The following CFHR2 variants were observed in gnomAD, a reference collection of about 807,000 sequenced individuals.
The protein encoded by CFHR2 is complement factor H related 2.
In CFHR2, 22 loss-of-function variants were observed where a neutral mutation model predicts 21.7. The ratio of observed to expected loss-of-function variants is 1.01; its 90% CI spans 0.72 to 1.45. CFHR2 has a LOEUF of 1.45. Ranked by LOEUF, CFHR2 falls within the 40% of genes most tolerant of loss-of-function variation. CFHR2 has a pLI of 0.00. For synonymous variants in CFHR2, 98 were observed against 97.4 expected, an observed-to-expected ratio of 1.01 and a Z score of -0.04; for missense variants, 294 against 293.3, an observed-to-expected ratio of 1.00 and a Z score of -0.02.
At chr1:196,945,923 C>T (rs1424969037) in intron 1 of CFHR2, among the ~76,000 whole-genome samples, 5 of 151,298 alleles carry the variant, frequency 3.3e-5, no homozygotes, top group Non-Finnish European at 7.4e-5. Flanking sequence ...GTTTTATAGC[C>T]TACTAGGTAA....
At chr1:196,947,312 T>C (rs772645636) in intron 1 of CFHR2, among the ~76,000 whole-genome samples, 2 of 152,190 alleles carry the variant, frequency 1.3e-5, no homozygotes, top group Non-Finnish European at 2.9e-5. Context: ...GAATACTTGA[T>C]GAATGTCATA....
chr1:196,956,731 G>A (rs1186513589), intron 3 of CFHR2, among the ~76,000 whole-genome samples: 1 of 151,976 alleles, frequency 6.6e-6, no homozygotes, highest in South Asian at 2.1e-4. Flanking sequence ...TTCAACATCT[G>A]TGTCTTCTTA....
At chr1:196,946,050 G>T (rs1005411781) in intron 1 of CFHR2, among the ~76,000 whole-genome samples, 1 of 151,948 alleles carries the variant, frequency 6.6e-6, no homozygotes, top group Non-Finnish European at 1.5e-5. Flanking sequence ...TCTCAATATA[G>T]CAAAGTACAA....
At chr1:196,944,677 C>T (rs1338345334) in intron 1 of CFHR2, among the ~76,000 whole-genome samples, 1 of 151,866 alleles carries the variant, frequency 6.6e-6, no homozygotes, top group Non-Finnish European at 1.5e-5. Flanking sequence ...CTTGGAGTTT[C>T]GATCATTATG....
intron 3 of CFHR2, among the ~76,000 whole-genome samples, chr1:196,956,269 G>A (rs955821281): frequency 6.6e-6 from 1 of 152,148 alleles, no homozygotes; most frequent in Non-Finnish European, 1.5e-5. Flanking sequence ...TCAGTCTTCT[G>A]ATATCATTCC....
rs1466609427 is a variant in CFHR2 at position 196,950,972 on chromosome 1, A to T, written c.374A>T (p.Asn125Ile). 1 of 1,614,014 alleles carries T rather than the reference A, an allele frequency of 6.2e-7. No individual in the cohort carries two copies. The highest frequency in any genetic ancestry group is 1.3e-5 in the African/African-American group (1 of 74,924). ...GGATACAGACTTCAAAACAATGAGA[A>T]CAACATTTCATGTGTAGAACGGGGC... ...NTGYRLQNNE[N>I]NISCVERGWS... Residue 125 changes from asparagine (N) to isoleucine (I), a missense_variant, in exon 3 of 5, where the codon AAC becomes ATC. Transcript: ENST00000367415.
Position 196,950,961 on chromosome 1 carries a change from A to G in CFHR2, c.363A>G (p.Gln121=). The part of the protein sequence containing the change: ...QIICNTGYRL[Q]NNENNISCVE... ...TTTGCAACACAGGATACAGACTTCA[A>G]AACAATGAGAACAACATTTCATGTG... Residue 121 remains glutamine (Q), a synonymous_variant, in exon 3 of 5, where the codon CAA becomes CAG. Coordinates refer to ENST00000367415, the MANE Select transcript of CFHR2 (RefSeq NM_005666.4). The G allele has an allele frequency of 6.2e-7, 1 of 1,614,140 alleles. No individual in the cohort carries two copies. The highest frequency in any genetic ancestry group is 1.1e-5 in the South Asian group (1 of 91,084).
At chr1:196,946,687 A>G (rs1182359774) in intron 1 of CFHR2, among the ~76,000 whole-genome samples, 2 of 152,230 alleles carry the variant, frequency 1.3e-5, no homozygotes, top group East Asian at 3.8e-4. Flanking sequence ...CAGGGCAGTA[A>G]CAGGCATGGA....
At chr1:196,952,401 C>CAA (rs770184256) in intron 3 of CFHR2, among the ~76,000 whole-genome samples, 1 of 126,686 alleles carries the variant, frequency 7.9e-6, no homozygotes, top group African/African-American at 3.6e-5. Flanking sequence ...TTAATATTTG[C>CAA]AAAAAACAAA....
At chr1:196,958,812 T>A in intron 4 of CFHR2, 69 bp from the exon 5 acceptor site, 1 of 1,021,138 alleles carries the variant, frequency 9.8e-7, no homozygotes, top group Non-Finnish European at 1.5e-6. Flanking sequence ...AACATTCTAC[T>A]TGAAAACCTG....
intron 3 of CFHR2, among the ~76,000 whole-genome samples, chr1:196,955,979 A>G (rs909883668): frequency 6.6e-6 from 1 of 152,202 alleles, no homozygotes; most frequent in Admixed American, 6.5e-5. Flanking sequence ...CAGGAGAGAG[A>G]CAAGTGGATG....
In CFHR2 at chr1:196,958,083, T is replaced by C; in HGVS notation, c.613+10T>C. On this transcript the variant is annotated intron_variant, in intron 4 of 4. Transcript: ENST00000367415. The stretch of plus-strand genomic sequence containing the variant: ...CCACCAAAATGCTTAGGTAAGTACT[T>C]TAATATTCTCATGGATTCTGGAAAA... The C allele has an allele frequency of 1.2e-6, 2 of 1,611,388 alleles. No individual in the cohort carries two copies. Among genetic ancestry groups the C allele is most frequent in the Non-Finnish European group, 1.7e-6 (2 of 1,177,734 alleles).
At chr1:196,946,560 T>C (rs1410434911) in intron 1 of CFHR2, among the ~76,000 whole-genome samples, 1 of 152,192 alleles carries the variant, frequency 6.6e-6, no homozygotes, top group Non-Finnish European at 1.5e-5. Context: ...TTATTTACTT[T>C]TTAAACCTTT....
intron 3 of CFHR2, among the ~76,000 whole-genome samples, chr1:196,955,733 G>C (rs979020835): frequency 1.3e-5 from 2 of 152,040 alleles, no homozygotes; most frequent in Admixed American, 1.3e-4. Context: ...TGTAATCTCG[G>C]CTATTTGGGA....
At chr1:196,944,385 A>C (rs894197685) in intron 1 of CFHR2, among the ~76,000 whole-genome samples, 4 of 152,000 alleles carry the variant, frequency 2.6e-5, no homozygotes, top group African/African-American at 9.7e-5. Flanking sequence ...TTCCCATTTC[A>C]ATCGAATTAT....
chr1:196,956,486 C>T (rs981187573), intron 3 of CFHR2, among the ~76,000 whole-genome samples: 7 of 151,886 alleles, frequency 4.6e-5, no homozygotes, highest in Non-Finnish European at 1.5e-5. Context: ...TTCTGGATTG[C>T]CTCTCCTTAT....
intron 2 of CFHR2, 89 bp downstream of exon 2, chr1:196,949,738 A>G (rs1659656572): frequency 2.0e-6 from 3 of 1,523,672 alleles, no homozygotes; most frequent in Middle Eastern, 3.4e-4. Flanking sequence ...TGATAATCAC[A>G]GGAGCAGTGA....
rs3748555 is a variant in CFHR2, at chr1:196,957,843, C to A, written c.431-48C>A. The stretch of plus-strand genomic sequence containing the variant: ...CTTGTTTGCATTTGCCTTATTTGAA[C>A]TTGTATTTTTATTTACTCTCCCAGT... On this transcript the variant is annotated intron_variant, in intron 3 of 4. Coordinates refer to ENST00000367415, the MANE Select transcript of CFHR2 (RefSeq NM_005666.4). The A allele has an allele frequency of 0.3, 462,361 of 1,553,544 alleles. 71,017 individuals are homozygous for A. Among genetic ancestry groups the A allele is most frequent in the African/African-American group, 0.42 (30,765 of 73,158 alleles).
At chr1:196,955,941 CG>C (rs775026552) in intron 3 of CFHR2, among the ~76,000 whole-genome samples, 34 of 152,098 alleles carry the variant, frequency 2.2e-4, no homozygotes, top group Admixed American at 2.6e-4. Context: ...ATGGCAGAAG[CG>C]GGGGCAGGCA....
Sources: allele counts gnomAD v4.1 joint callset (sites outside exome capture counted in the v4.1 genomes callset), GRCh38; gene constraint gnomAD v4.1.1; transcripts MANE v1.5; gene names NCBI Gene and HGNC (gene_info 2026-07-23, HGNC 2026-07-21).